SWAP70: variants seen among roughly 807,000 people sequenced by gnomAD.
The protein encoded by SWAP70 is switching B cell complex subunit SWAP70.
In SWAP70, 34 loss-of-function variants were observed where a neutral mutation model predicts 80.2. That is an observed-to-expected ratio of 0.42 (90% CI 0.32 to 0.56). The LOEUF is 0.56. Ranked by LOEUF, SWAP70 falls within the 20% of genes least tolerant of loss-of-function variation. The probability of loss-of-function intolerance (pLI) is 0.09; values close to 1 mark genes in which losing one functional copy is unlikely to be tolerated. For synonymous variants in SWAP70, 239 were observed against 238.5 expected (o/e 1.00, Z -0.02); for missense variants, 578 against 690.7 (o/e 0.84, Z 1.83).
intron 7 of SWAP70, among the ~76,000 whole-genome samples, chr11:9,734,202 C>T (rs1326610144): frequency 6.6e-6 from 1 of 152,142 alleles, no homozygotes; most frequent in East Asian, 1.9e-4. Flanking sequence ...AGGTCTTTCC[C>T]TCATCCCTAA....
intron 7 of SWAP70, among the ~76,000 whole-genome samples, chr11:9,734,749 A>T (rs758322968): frequency 6.6e-6 from 1 of 152,118 alleles, no homozygotes; most frequent in Non-Finnish European, 1.5e-5. Flanking sequence ...CAATATCTCA[A>T]GTAGCTGGGA....
chr11:9,724,873 T>G lies in SWAP70; in HGVS notation c.630T>G (p.Asp210Glu). 6.2e-7 allele frequency: 1 copy of G among 1,601,278 alleles called. No individual in the cohort carries two copies. The highest frequency in any genetic ancestry group is 1.1e-5 in the South Asian group (1 of 89,942). The change falls in exon 4 of 12, where the codon GAT (aspartate) becomes GAG (glutamate). Residue 210 changes from aspartate to glutamate, a missense_variant. Transcript: ENST00000318950. ...INEVFNELIL[D>E]VLKQGYMMKK... ...AAGTCTTTAATGAACTTATATTAGATGTGTTAAAGCAGGTAAGAATTCTGT... is the reference window on the plus strand; with the variant it reads ...AAGTCTTTAATGAACTTATATTAGAGGTGTTAAAGCAGGTAAGAATTCTGT...
At chr11:9,744,897 A>G (rs1236325467) in intron 9 of SWAP70, among the ~76,000 whole-genome samples, 2 of 152,182 alleles carry the variant, frequency 1.3e-5, no homozygotes, top group East Asian at 1.9e-4. Flanking sequence ...AAAAAACAAA[A>G]AAGAAAAAAT....
At chr11:9,733,416 TG>T (rs1471212693) in intron 7 of SWAP70, among the ~76,000 whole-genome samples, 2 of 152,158 alleles carry the variant, frequency 1.3e-5, no homozygotes, top group African/African-American at 4.8e-5. Flanking sequence ...CTCTGGGATA[TG>T]GGGGTGGCTC....
chr11:9,750,204 G>A lies in SWAP70; in HGVS notation c.*234G>A. On this transcript the variant is annotated 3_prime_UTR_variant, in exon 12 of 12. Transcript: ENST00000318950. ...AATACAAAAAAAATTAGCTGAGCGT[G>A]GTGGCGGGCGCCTGTAATCCCAGCT... The A allele has an allele frequency of 3.6e-6, 1 of 274,340 alleles. No homozygotes were observed. The highest frequency in any genetic ancestry group is 4.3e-5 in the Admixed American group (1 of 23,042). The allele number at this position is 274,340 out of a possible 1,614,324, so 17.0% of individuals were successfully genotyped here. A position where few individuals can be genotyped will look rare whatever the true frequency, so the allele number is the denominator to read the frequency against.
intron 4 of SWAP70, among the ~76,000 whole-genome samples, chr11:9,725,676 A>C (rs12283340): frequency 0.33 from 49,195 of 148,872 alleles, 8,327 homozygotes; most frequent in Non-Finnish European, 0.35. Context: ...GGTTCAAACA[A>C]TTCTCCCGCC....
At chr11:9,692,923 C>T (rs1850713340) in intron 1 of SWAP70, among the ~76,000 whole-genome samples, 1 of 152,042 alleles carries the variant, frequency 6.6e-6, no homozygotes, top group Non-Finnish European at 1.5e-5. Context: ...TAACTTACTT[C>T]CTTAAAACCA....
intron 2 of SWAP70, chr11:9,703,468 T>TA: frequency 2.2e-6 from 1 of 456,280 alleles, no homozygotes; most frequent in Non-Finnish European, 4.4e-6. Context: ...ACTCCGCCCA[T>TA]CAAATGCAGC....
At chr11:9,741,024 TA>T (rs1851430930) in intron 9 of SWAP70, 1 of 153,782 alleles carries the variant, frequency 6.5e-6, no homozygotes, top group African/African-American at 2.4e-5. Context: ...CCATTTACAT[TA>T]TTTAAGGTGT....
At chr11:9,674,021 T>C (rs909307007) in intron 1 of SWAP70, among the ~76,000 whole-genome samples, 1 of 152,160 alleles carries the variant, frequency 6.6e-6, no homozygotes, top group Non-Finnish European at 1.5e-5. Flanking sequence ...TACCTCAGCC[T>C]CCCAAGTAGC....
chr11:9,720,223 GT>G, intron 3 of SWAP70: 2 of 985,392 alleles, frequency 2.0e-6, no homozygotes, highest in Non-Finnish European at 2.4e-6. Context: ...ATATGATTGT[GT>G]TGAAAGTCAG....
chr11:9,717,003 C>G (rs1851074735), intron 3 of SWAP70, among the ~76,000 whole-genome samples: 2 of 152,148 alleles, frequency 1.3e-5, no homozygotes, highest in African/African-American at 4.8e-5. Context: ...TTAAGAAGCA[C>G]AGAAGTAGTT....
chr11:9,708,079 T>C (rs12280320), intron 2 of SWAP70, among the ~76,000 whole-genome samples: 50,356 of 151,998 alleles, frequency 0.33, 8,589 homozygotes, highest in Non-Finnish European at 0.36. Context: ...TCTTGGCTAT[T>C]GTGAATTATG....
chr11:9,678,317 A>G (rs1463874202), intron 1 of SWAP70, among the ~76,000 whole-genome samples: 1 of 152,164 alleles, frequency 6.6e-6, no homozygotes, highest in Non-Finnish European at 1.5e-5. Flanking sequence ...AATATTTTTT[A>G]TGTAGATATC....
intron 1 of SWAP70, among the ~76,000 whole-genome samples, chr11:9,688,162 A>C (rs1850655018): frequency 6.6e-6 from 1 of 152,260 alleles, no homozygotes; most frequent in South Asian, 2.1e-4. Context: ...TCACGGCTTT[A>C]GTGTTAAGAG....
intron 3 of SWAP70, among the ~76,000 whole-genome samples, chr11:9,716,615 C>T (rs1341775686): frequency 6.6e-6 from 1 of 152,170 alleles, no homozygotes; most frequent in African/African-American, 2.4e-5. Flanking sequence ...TGCCTGGACC[C>T]ATGGTAGCTG....
Position 9,732,523 on chromosome 11 carries a change from T to C in SWAP70, c.899-6T>C. On this transcript the variant is annotated splice_region_variant and splice_polypyrimidine_tract_variant and intron_variant, in intron 6 of 11. Coordinates refer to ENST00000318950, the MANE Select transcript of SWAP70 (RefSeq NM_015055.4). The stretch of plus-strand genomic sequence containing the variant: ...CATTTTTTTTTTCCTCCTACACCTT[T>C]TACAGCCATTCATTCTACTATTCAT... 2 of 1,603,014 alleles carry C rather than the reference T, an allele frequency of 1.2e-6. No homozygotes were observed. The highest frequency in any genetic ancestry group is 1.7e-6 in the Non-Finnish European group (2 of 1,173,702).
At chr11:9,722,744 A>G (rs1267850624) in intron 3 of SWAP70, among the ~76,000 whole-genome samples, 1 of 152,224 alleles carries the variant, frequency 6.6e-6, no homozygotes, top group Non-Finnish European at 1.5e-5. Context: ...GTAAGAGGGT[A>G]AACTACTTAT....
intron 3 of SWAP70, among the ~76,000 whole-genome samples, chr11:9,721,603 C>G (rs1016405565): frequency 1.3e-5 from 2 of 151,738 alleles, no homozygotes; most frequent in South Asian, 2.1e-4. Flanking sequence ...TCCTGAGTAG[C>G]TGGGACTACA....
Sources: gnomAD v4.1 joint callset for allele counts (sites outside exome capture counted in the v4.1 genomes callset) on GRCh38, gnomAD v4.1.1 for gene constraint, MANE v1.5 for transcripts, NCBI Gene and HGNC (gene_info 2026-07-23, HGNC 2026-07-21) for gene names.